Variants in CORO7 observed in about 807,000 individuals in gnomAD.
CORO7 encodes the protein coronin 7.
CORO7 carries 107 observed loss-of-function variants against 126.6 expected under a neutral mutation model. That is an observed-to-expected ratio of 0.85 (90% CI 0.72 to 0.99). CORO7 has a LOEUF of 0.99. CORO7 is among the 50% of genes least tolerant of loss of function. The pLI is 0.00. For synonymous variants in CORO7, 603 were observed against 536.8 expected (o/e 1.12, Z -1.70); for missense variants, 1,314 against 1,255.8 (o/e 1.05, Z -0.70).
At chr16:4,361,727 G>C in intron 16 of CORO7, 1 of 797,894 alleles carries the variant, frequency 1.3e-6, no homozygotes, top group Non-Finnish European at 2.1e-6. Flanking sequence ...GCCGGGCTTC[G>C]GATCCCAGCT....
chr16:4,402,970 A>G (rs1166864898), intron 6 of CORO7, among the ~76,000 whole-genome samples: 1 of 151,948 alleles, frequency 6.6e-6, no homozygotes, highest in Non-Finnish European at 1.5e-5. Flanking sequence ...CAGAGGCAGG[A>G]CAGGAGTGGA....
At chr16:4,406,153 C>T (rs569032964) in intron 5 of CORO7, among the ~76,000 whole-genome samples, 7 of 152,182 alleles carry the variant, frequency 4.6e-5, no homozygotes, top group Non-Finnish European at 8.8e-5. Context: ...GCACCTGCCA[C>T]CATGCCCAGC....
intron 7 of CORO7, 138 bp downstream of exon 7, chr16:4,395,151 C>A: frequency 8.2e-7 from 1 of 1,219,208 alleles, no homozygotes; most frequent in South Asian, 1.4e-5. Flanking sequence ...AGTGGTGGTC[C>A]ACCTCCTGGG....
chr16:4,365,868 CT>C (rs2054331891), intron 9 of CORO7, among the ~76,000 whole-genome samples: 2 of 152,194 alleles, frequency 1.3e-5, no homozygotes, highest in South Asian at 4.1e-4. Context: ...TTCTGTGCCC[CT>C]CCCACCTTCG....
chr16:4,355,546 G>A (rs2053950899), intron 26 of CORO7, 174 bp from the exon 27 acceptor site: 4 of 660,986 alleles, frequency 6.1e-6, no homozygotes, highest in East Asian at 5.6e-5. Flanking sequence ...TCGGCTCACT[G>A]CAAGCTCTGC....
chr16:4,362,213 C>A lies in CORO7; in HGVS notation c.1403-53G>T. ...CGTGTGAGGATGCCGTCCCCGCCCGCCCTGCACTCTTTGAGTCCCGGCTGC... is the reference window on the plus strand; with the variant it reads ...CGTGTGAGGATGCCGTCCCCGCCCGACCTGCACTCTTTGAGTCCCGGCTGC... On this transcript the variant is annotated intron_variant, in intron 15 of 27. Transcript: ENST00000251166. The surrounding 1 kb of genome is among the most constrained non-coding windows in gnomAD (Gnocchi z 5.3). 1 of 1,559,078 alleles carries A rather than the reference C, an allele frequency of 6.4e-7. No homozygotes were observed. The highest frequency in any genetic ancestry group is 1.2e-5 in the South Asian group (1 of 84,334).
Position 4,355,276 on chromosome 16 carries a change from C to G in CORO7, c.2772+10G>C. On this transcript the variant is annotated intron_variant, in intron 27 of 27. Coordinates refer to ENST00000251166, the MANE Select transcript of CORO7 (RefSeq NM_024535.5). ...CTGCCTGCCGGGAAGTGAGGCCACT[C>G]ACTACTCACCCACTCGTCCTCGTCC... is the stretch of plus-strand genomic sequence containing the variant. 6.2e-7 allele frequency: 1 copy of G among 1,613,314 alleles called. No individual in the cohort carries two copies. The highest frequency in any genetic ancestry group is 8.5e-7 in the Non-Finnish European group (1 of 1,179,858).
At chr16:4,392,816 G>A (rs1440717232) in intron 7 of CORO7, among the ~76,000 whole-genome samples, 2 of 152,222 alleles carry the variant, frequency 1.3e-5, no homozygotes, top group African/African-American at 4.8e-5. Context: ...CACACGGAGA[G>A]CGGCATTCCA....
At position 4,361,536 on chromosome 16, in the gene CORO7, C is replaced by T. The variant is rs140694828; in HGVS notation, c.1579-67G>A. On this transcript the variant is annotated intron_variant, in intron 16 of 27. Coordinates refer to ENST00000251166, the MANE Select transcript of CORO7 (RefSeq NM_024535.5). ...CAGAAAAGCCAGTCCCCAGGGGCTG[C>T]GGGCAAGCAGCATGTCTGGGAGCCC... 5,139 of 1,556,236 alleles carry T rather than the reference C, an allele frequency of 3.3e-3. 20 individuals carry two copies. The highest frequency in any genetic ancestry group is 7.0e-3 in the South Asian group (613 of 88,186).
In CORO7 at chr16:4,369,071, G is replaced by A. The variant is rs114546644; in HGVS notation, c.786-3526C>T. On this transcript the variant is annotated intron_variant, in intron 9 of 27. Coordinates refer to ENST00000251166, the MANE Select transcript of CORO7 (RefSeq NM_024535.5). ...CTGGTGCTCAGCCTCCCTCACCCCC[G>A]TTCCATCGTCCCAGCCAGCCAGCCA... Among the ~76,000 whole-genome samples the A allele has an allele frequency of 2.9e-3, 435 of 152,332 alleles. 5 individuals carry two copies. The highest frequency in any genetic ancestry group is 9.9e-3 in the African/African-American group (410 of 41,586).
chr16:4,415,852 G>C (rs2056388847), intron 1 of CORO7: 1 of 985,674 alleles, frequency 1.0e-6, no homozygotes, highest in Non-Finnish European at 1.2e-6. Context: ...ACCTGCTCAG[G>C]CTTCCCCAGG....
At chr16:4,384,888 A>AG (rs1450111550) in intron 9 of CORO7, among the ~76,000 whole-genome samples, 1 of 151,170 alleles carries the variant, frequency 6.6e-6, no homozygotes, top group African/African-American at 2.4e-5. Context: ...TGTGGGCCTG[A>AG]GGCTGCTGCT....
At chr16:4,358,227 T>C in intron 24 of CORO7, 124 bp from the exon 25 acceptor site, 1 of 1,530,496 alleles carries the variant, frequency 6.5e-7, no homozygotes, top group Non-Finnish European at 8.8e-7. Flanking sequence ...TCCATGAGTT[T>C]CAGCATCTCA....
At chr16:4,402,340 C>G (rs2055841334) in intron 6 of CORO7, among the ~76,000 whole-genome samples, 1 of 152,096 alleles carries the variant, frequency 6.6e-6, no homozygotes, top group South Asian at 2.1e-4. Flanking sequence ...ACTTCAGCCT[C>G]GAACTCCTGG....
Position 4,358,420 on chromosome 16 carries a change from G to T in CORO7, c.2404C>A (p.Arg802=), listed in dbSNP as rs139564699. ...VREVELMRCL[R]LRQSSLEPVA... ...GGCTCCAGGGAGGACTGACGCAGCC[G>T]CAGGCACCGCATCAGCTCCACTTCC... The change falls in exon 24 of 28, where the codon CGG becomes AGG. Residue 802 remains arginine (R), a synonymous_variant. Transcript: ENST00000251166. The T allele has an allele frequency of 6.2e-7, 1 of 1,612,176 alleles. No homozygotes were observed. Among genetic ancestry groups the T allele is most frequent in the Non-Finnish European group, 8.5e-7 (1 of 1,179,538 alleles).
At chr16:4,407,038 C>A (rs961156909) in intron 5 of CORO7, among the ~76,000 whole-genome samples, 1 of 152,006 alleles carries the variant, frequency 6.6e-6, no homozygotes, top group African/African-American at 2.4e-5. Flanking sequence ...ACCTCTGCCT[C>A]CTGGGTTGGA....
At chr16:4,392,410 A>G (rs2055427273) in intron 7 of CORO7, among the ~76,000 whole-genome samples, 1 of 152,196 alleles carries the variant, frequency 6.6e-6, no homozygotes, top group African/African-American at 2.4e-5. Context: ...CCTGGCGCAT[A>G]ACAAAGGGTC....
chr16:4,359,979 C>A (rs1279848244), intron 21 of CORO7, among the ~76,000 whole-genome samples: 4 of 131,664 alleles, frequency 3.0e-5, no homozygotes, highest in Admixed American at 7.8e-5. Context: ...CCCCCCTCAC[C>A]CTCCCCTGCA....
At chr16:4,416,330 G>T in intron 1 of CORO7, 129 bp downstream of exon 1, 1 of 1,287,058 alleles carries the variant, frequency 7.8e-7, no homozygotes, top group Non-Finnish European at 1.0e-6. Context: ...CCTGAAGGGG[G>T]GTTCCCCGGG....
Sources: gnomAD v4.1 joint callset for allele counts (sites outside exome capture counted in the v4.1 genomes callset) on GRCh38, gnomAD v4.1.1 for gene constraint, Gnocchi (gnomAD v3.1) non-coding constraint, MANE v1.5 for transcripts, NCBI Gene and HGNC (gene_info 2026-07-23, HGNC 2026-07-21) for gene names.